The following CSGALNACT1 variants were observed in gnomAD, a reference collection of about 807,000 sequenced individuals.
The protein encoded by CSGALNACT1 is chondroitin sulfate N-acetylgalactosaminyltransferase 1, also known as beta4GalNAcT-1.
CSGALNACT1 carries 52 observed loss-of-function variants against 51.0 expected under a neutral mutation model. The observed-to-expected ratio is 1.02, with a 90% CI of 0.82 to 1.29. The LOEUF is 1.29. Ranked by LOEUF, CSGALNACT1 falls within the 50% of genes most tolerant of loss-of-function variation. The probability of loss-of-function intolerance (pLI) is 0.00; values close to 1 mark genes in which losing one functional copy is unlikely to be tolerated. For synonymous variants in CSGALNACT1, 341 were observed against 254.4 expected (o/e 1.34, Z -3.24); for missense variants, 935 against 679.2 (o/e 1.38, Z -4.19).
intron 3 of CSGALNACT1, among the ~76,000 whole-genome samples, chr8:19,508,070 A>G (rs2077715243): frequency 6.6e-6 from 1 of 152,250 alleles, no homozygotes; most frequent in Non-Finnish European, 1.5e-5. Context: ...CACCCGACTC[A>G]GAAAGCCAGA....
intron 3 of CSGALNACT1, among the ~76,000 whole-genome samples, chr8:19,556,981 C>CA (rs1369093003): frequency 0.053 from 5,606 of 105,408 alleles, 156 homozygotes; most frequent in African/African-American, 0.091. Context: ...TCTGCCCAGC[C>CA]AAAAAAAAAA....
intron 4 of CSGALNACT1, among the ~76,000 whole-genome samples, chr8:19,469,674 A>T (rs550322798): frequency 6.6e-6 from 1 of 152,172 alleles, no homozygotes; most frequent in South Asian, 2.1e-4. Flanking sequence ...CCTACCATGT[A>T]GGTCTCCGCC....
intron 1 of CSGALNACT1, among the ~76,000 whole-genome samples, chr8:19,707,935 G>C (rs761388649): frequency 6.6e-6 from 1 of 152,194 alleles, no homozygotes; most frequent in Non-Finnish European, 1.5e-5. Context: ...CAAGGAGGGG[G>C]AGGCAGAGGT....
At chr8:19,661,528 A>C (rs1185045345) in intron 1 of CSGALNACT1, among the ~76,000 whole-genome samples, 1 of 152,226 alleles carries the variant, frequency 6.6e-6, no homozygotes, top group African/African-American at 2.4e-5. Flanking sequence ...CTGCTCCAGG[A>C]CCTTTCAAAT....
At chr8:19,425,989 GGTGCCTTCAA>G (rs2058721821) in intron 6 of CSGALNACT1, among the ~76,000 whole-genome samples, 1 of 152,116 alleles carries the variant, frequency 6.6e-6, no homozygotes, top group Admixed American at 6.5e-5. Flanking sequence ...TCTGTGTCCT[GGTGCCTTCAA>G]GTGCCTTTGC....
intron 4 of CSGALNACT1, among the ~76,000 whole-genome samples, chr8:19,460,961 C>T (rs906278608): frequency 6.6e-6 from 1 of 152,118 alleles, no homozygotes; most frequent in African/African-American, 2.4e-5. Context: ...TCCCTGCTGT[C>T]CTCACAGCCC....
chr8:19,648,387 A>C (rs1426085923), intron 1 of CSGALNACT1, among the ~76,000 whole-genome samples: 1 of 152,220 alleles, frequency 6.6e-6, no homozygotes, highest in East Asian at 1.9e-4. Context: ...AGAGCAATTC[A>C]TCAATATATA....
chr8:19,676,101 C>CAAA (rs1255611611), intron 1 of CSGALNACT1, among the ~76,000 whole-genome samples: 1 of 128,080 alleles, frequency 7.8e-6, no homozygotes, highest in Non-Finnish European at 1.7e-5. Context: ...CAAAACAAAA[C>CAAA]AAAAAAAACT....
intron 3 of CSGALNACT1, among the ~76,000 whole-genome samples, chr8:19,506,518 C>G (rs183293643): frequency 2.6e-5 from 4 of 152,306 alleles, no homozygotes; most frequent in Non-Finnish European, 5.9e-5. Flanking sequence ...CAGCGGACTA[C>G]TTGGCCGGAG....
intron 1 of CSGALNACT1, among the ~76,000 whole-genome samples, chr8:19,636,935 G>C (rs1444904333): frequency 1.3e-5 from 2 of 151,974 alleles, no homozygotes; most frequent in Admixed American, 1.3e-4. Context: ...GCTCAAGCTT[G>C]TAATCGCACT....
chr8:19,419,503 C>A (rs1019161871), intron 7 of CSGALNACT1, among the ~76,000 whole-genome samples: 1 of 152,216 alleles, frequency 6.6e-6, no homozygotes, highest in African/African-American at 2.4e-5. Context: ...ATTTTAGCAA[C>A]TGGCATGGCT....
intron 1 of CSGALNACT1, among the ~76,000 whole-genome samples, chr8:19,627,870 T>A (rs1451239609): frequency 1.3e-5 from 2 of 152,150 alleles, no homozygotes; most frequent in Admixed American, 6.5e-5. Flanking sequence ...GAAATCTGAA[T>A]ACAGTCAGTA....
At chr8:19,518,712 G>A (rs947926052) in intron 3 of CSGALNACT1, among the ~76,000 whole-genome samples, 1 of 152,110 alleles carries the variant, frequency 6.6e-6, no homozygotes, top group African/African-American at 2.4e-5. Context: ...ACACCACGAG[G>A]AACCCCAGGG....
At chr8:19,562,397 G>A (rs915336230) in intron 3 of CSGALNACT1, among the ~76,000 whole-genome samples, 1 of 151,482 alleles carries the variant, frequency 6.6e-6, no homozygotes, top group Non-Finnish European at 1.5e-5. Flanking sequence ...ATAGGCATGG[G>A]CAACTATTTC....
At chr8:19,522,203 G>C (rs1354703072) in intron 3 of CSGALNACT1, among the ~76,000 whole-genome samples, 1 of 152,180 alleles carries the variant, frequency 6.6e-6, no homozygotes, top group Non-Finnish European at 1.5e-5. Context: ...ATTAGTGAGA[G>C]AAATGTGGCA....
At chr8:19,550,172 G>A (rs773502796) in intron 3 of CSGALNACT1, among the ~76,000 whole-genome samples, 24 of 152,000 alleles carry the variant, frequency 1.6e-4, no homozygotes, top group Non-Finnish European at 2.9e-4. Context: ...GTTTTTAAGC[G>A]AAGGAGTCTT....
chr8:19,600,073 CCATT>C (rs145377849), intron 2 of CSGALNACT1, among the ~76,000 whole-genome samples: 90 of 152,052 alleles, frequency 5.9e-4, no homozygotes, highest in Middle Eastern at 3.4e-3. Context: ...TTGCTGCTCA[CCATT>C]CATTCATTCA....
Position 19,522,522 on chromosome 8 carries a change from T to C in CSGALNACT1, c.-296-16392A>G, listed in dbSNP as rs111834037. On this transcript the variant is annotated intron_variant, in intron 3 of 9. Coordinates refer to ENST00000454498, the Ensembl canonical transcript of CSGALNACT1. ...CTGGGAGATTTTAAAAGGCGATGTA[T>C]GTAAAATGCTTAGCCCAGTGTCCTG... 3.6e-3 allele frequency among the ~76,000 whole-genome samples: 552 copies of C among 152,344 alleles called. 4 individuals are homozygous for C. The highest frequency in any genetic ancestry group is 0.013 in the African/African-American group (528 of 41,582).
chr8:19,641,431 G>T (rs1274691811), intron 1 of CSGALNACT1, among the ~76,000 whole-genome samples: 7 of 152,058 alleles, frequency 4.6e-5, no homozygotes, highest in African/African-American at 1.7e-4. Flanking sequence ...GGCGAACCTG[G>T]GAGAACTCTC....
Sources: gnomAD v4.1 joint callset for allele counts (sites outside exome capture counted in the v4.1 genomes callset) on GRCh38, gnomAD v4.1.1 for gene constraint, MANE v1.5 for transcripts, NCBI Gene and HGNC (gene_info 2026-07-23, HGNC 2026-07-21) for gene names.